TIAM1: variants seen among roughly 807,000 people sequenced by gnomAD.
The protein encoded by TIAM1 is rho guanine nucleotide exchange factor TIAM1.
In TIAM1, 65 loss-of-function variants were observed where a neutral mutation model predicts 163.5. The observed-to-expected ratio is 0.40, with a 90% CI of 0.33 to 0.49. TIAM1 has a LOEUF of 0.49. TIAM1 is among the 20% of genes least tolerant of loss of function. The pLI is 0.77. For missense variants in TIAM1, 1,789 were observed against 2,044.7 expected (o/e 0.87, Z 2.41); for synonymous variants, 833 against 810.1 (o/e 1.03, Z -0.48).
At chr21:31,401,927 AT>A (rs1259598768) in intron 2 of TIAM1, among the ~76,000 whole-genome samples, 1 of 150,360 alleles carries the variant, frequency 6.7e-6, no homozygotes, top group African/African-American at 2.5e-5. Flanking sequence ...AAAAAAAAAA[AT>A]TGGAGCCCGG....
intron 4 of TIAM1, among the ~76,000 whole-genome samples, chr21:31,263,106 A>T (rs778643632): frequency 2.0e-5 from 3 of 152,216 alleles, no homozygotes; most frequent in Non-Finnish European, 4.4e-5. Context: ...AGTGTTGTGC[A>T]TAATTCCGGG....
intron 16 of TIAM1, among the ~76,000 whole-genome samples, chr21:31,157,926 C>T (rs1220792335): frequency 6.6e-6 from 1 of 152,172 alleles, no homozygotes; most frequent in Non-Finnish European, 1.5e-5. Context: ...GGATCTGACA[C>T]ATATCAAAGG....
chr21:31,261,434 G>A (rs908749114), intron 4 of TIAM1, among the ~76,000 whole-genome samples: 24 of 152,190 alleles, frequency 1.6e-4, no homozygotes, highest in Admixed American at 1.2e-3. Flanking sequence ...ATTTTTGGCC[G>A]GGTGCGGTGG....
At chr21:31,254,156 A>AT (rs1255477636) in intron 4 of TIAM1, among the ~76,000 whole-genome samples, 1 of 152,222 alleles carries the variant, frequency 6.6e-6, no homozygotes, top group East Asian at 1.9e-4. Flanking sequence ...TCCCTATTCC[A>AT]TAAGAGAGAC....
chr21:31,495,278 T>C (rs1331257284), intron 1 of TIAM1, among the ~76,000 whole-genome samples: 1 of 152,158 alleles, frequency 6.6e-6, no homozygotes, highest in East Asian at 1.9e-4. Flanking sequence ...TTTCTCACAG[T>C]TCCGGAGGCT....
At chr21:31,391,586 T>C (rs998663020) in intron 2 of TIAM1, among the ~76,000 whole-genome samples, 7 of 151,894 alleles carry the variant, frequency 4.6e-5, no homozygotes, top group African/African-American at 1.5e-4. Flanking sequence ...GATCGCACCA[T>C]TGCACTCCAG....
intron 27 of TIAM1, among the ~76,000 whole-genome samples, chr21:31,121,728 T>C (rs2082008766): frequency 6.6e-6 from 1 of 152,212 alleles, no homozygotes; most frequent in Admixed American, 6.5e-5. Flanking sequence ...GACTACCAGT[T>C]AAGAAAAATT....
chr21:31,416,327 T>G (rs2043370775), intron 2 of TIAM1, among the ~76,000 whole-genome samples: 1 of 152,194 alleles, frequency 6.6e-6, no homozygotes, highest in African/African-American at 2.4e-5. Context: ...TAGTGAAATT[T>G]TTTTAATTTT....
chr21:31,384,772 C>T (rs537483107), intron 2 of TIAM1, among the ~76,000 whole-genome samples: 1 of 152,302 alleles, frequency 6.6e-6, no homozygotes, highest in South Asian at 2.1e-4. Context: ...GCTACACATA[C>T]CACTAATGGA....
chr21:31,513,500 G>A (rs772463889), intron 1 of TIAM1, among the ~76,000 whole-genome samples: 6 of 152,156 alleles, frequency 3.9e-5, no homozygotes, highest in Non-Finnish European at 7.3e-5. Context: ...TGCCATTCAG[G>A]AGGGTGACCC....
chr21:31,154,325 G>C lies in TIAM1; in HGVS notation c.3093C>G (p.Thr1031=). 2 of 1,614,146 alleles carry C rather than the reference G, an allele frequency of 1.2e-6. No individual in the cohort carries two copies. The highest frequency in any genetic ancestry group is 1.7e-6 in the Non-Finnish European group (2 of 1,180,020). Residue 1031 remains threonine (T), a synonymous_variant, in exon 17 of 28, where the codon ACC becomes ACG. Transcript: ENST00000541036. Reference sequence around the variant, plus strand: ...TATCTGCATCCGAGAGTTGTCTCATGGTCGCCAGCTGAGGCCCCGTGGAGT... The same window carrying C: ...TATCTGCATCCGAGAGTTGTCTCATCGTCGCCAGCTGAGGCCCCGTGGAGT... ...PQDSTGPQLA[T]MRQLSDADKL...
chr21:31,211,388 G>C (rs1051386461), intron 10 of TIAM1, among the ~76,000 whole-genome samples: 1 of 152,164 alleles, frequency 6.6e-6, no homozygotes, highest in Non-Finnish European at 1.5e-5. Context: ...ACATAATATT[G>C]ATGCTCAATA....
chr21:31,257,022 C>T (rs962112519), intron 4 of TIAM1, among the ~76,000 whole-genome samples: 3 of 152,208 alleles, frequency 2.0e-5, no homozygotes, highest in Non-Finnish European at 2.9e-5. Context: ...AAAACACAGG[C>T]ATACCAAGGC....
chr21:31,492,899 C>T (rs967572147), intron 1 of TIAM1, among the ~76,000 whole-genome samples: 4 of 151,332 alleles, frequency 2.6e-5, no homozygotes, highest in Non-Finnish European at 4.4e-5. Context: ...AGTGAAAAGA[C>T]CAGAAAGAAT....
At chr21:31,328,042 C>G (rs1441149108) in intron 2 of TIAM1, among the ~76,000 whole-genome samples, 1 of 152,114 alleles carries the variant, frequency 6.6e-6, no homozygotes, top group Non-Finnish European at 1.5e-5. Context: ...ATGCCCAGCC[C>G]AGCCCTCTGC....
chr21:31,537,394 A>G (rs1461515198), intron 1 of TIAM1, among the ~76,000 whole-genome samples: 2 of 152,026 alleles, frequency 1.3e-5, no homozygotes, highest in Non-Finnish European at 2.9e-5. Flanking sequence ...GGGGGGATGC[A>G]AAAATTAGCA....
Position 31,130,195 on chromosome 21 carries a change from G to A in TIAM1, c.4045+18C>T, listed in dbSNP as rs886453700. 6.2e-7 allele frequency: 1 copy of A among 1,605,586 alleles called. No homozygotes were observed. Among genetic ancestry groups the A allele is most frequent in the Non-Finnish European group, 8.5e-7 (1 of 1,172,744 alleles). ...CAGAAATATGTGTGTGAAATACCCA[G>A]CACAGGTGAGAGTTTACCTGCACTC... On this transcript the variant is annotated intron_variant, in intron 25 of 27. Coordinates refer to ENST00000541036, the MANE Select transcript of TIAM1 (RefSeq NM_001353694.2).
chr21:31,195,076 C>T, intron 13 of TIAM1, 148 bp downstream of exon 13: 1 of 536,086 alleles, frequency 1.9e-6, no homozygotes, highest in East Asian at 2.9e-5. Flanking sequence ...CTGTTATTCC[C>T]TAGTGTGGCT....
intron 10 of TIAM1, chr21:31,212,767 AT>A (rs561368307): frequency 2.0e-3 from 285 of 142,272 alleles, no homozygotes; most frequent in Admixed American, 2.0e-3. Context: ...TGTCCAGCTA[AT>A]TTTTTTTTTT....
Sources: allele counts gnomAD v4.1 joint callset (sites outside exome capture counted in the v4.1 genomes callset), GRCh38; gene constraint gnomAD v4.1.1; transcripts MANE v1.5; gene names NCBI Gene and HGNC (gene_info 2026-07-23, HGNC 2026-07-21).